The following TRAF3 variants were observed in gnomAD, a reference collection of about 807,000 sequenced individuals.
TRAF3 encodes TNF receptor-associated factor 3.
Under a neutral mutation model 62.3 loss-of-function variants are expected in TRAF3, and 13 were observed. The observed-to-expected ratio is 0.21, with a 90% CI of 0.14 to 0.33. The LOEUF (loss-of-function observed/expected upper bound fraction) is 0.33, where lower values mean the gene tolerates loss of function less well. Ranked by LOEUF, TRAF3 falls within the 10% of genes least tolerant of loss-of-function variation. The pLI, the probability that TRAF3 is intolerant of heterozygous loss-of-function variation, is 1.00. For synonymous variants in TRAF3, 269 were observed against 283.4 expected, an observed-to-expected ratio of 0.95 and a Z score of 0.51; for missense variants, 440 against 741.8, an observed-to-expected ratio of 0.59 and a Z score of 4.73.
rs1434448970 is a variant in TRAF3, at chr14:102,865,281, C to A, written c.-17-4904C>A. On this transcript the variant is annotated intron_variant, in intron 2 of 11. Transcript: ENST00000392745. ...AGGTCACGGGGCTGCCGGCTGGGCT[C>A]TGCTCAGGGTTCGTGTCATTTCTTT... 5.3e-5 allele frequency among the ~76,000 whole-genome samples: 8 copies of A among 152,106 alleles called. No homozygotes were observed. The East Asian group carries it at 1.5e-3, about 29-fold the overall frequency.
At chr14:102,850,011 C>G (rs968181069) in intron 2 of TRAF3, among the ~76,000 whole-genome samples, 1 of 152,152 alleles carries the variant, frequency 6.6e-6, no homozygotes, top group Non-Finnish European at 1.5e-5. Flanking sequence ...TGGTTTTCCC[C>G]GGGCTTTCCA....
At chr14:102,895,979 C>A (rs564036668) in intron 9 of TRAF3, among the ~76,000 whole-genome samples, 10 of 152,108 alleles carry the variant, frequency 6.6e-5, no homozygotes, top group Admixed American at 4.6e-4. Flanking sequence ...TCGTCACGCT[C>A]TCATTATGTT....
At chr14:102,855,345 C>T (rs1164451393) in intron 2 of TRAF3, among the ~76,000 whole-genome samples, 1 of 151,956 alleles carries the variant, frequency 6.6e-6, no homozygotes, top group African/African-American at 2.4e-5. Flanking sequence ...GAGCATGTAC[C>T]TAAGAGTGGA....
At chr14:102,868,985 G>A (rs1229182483) in intron 2 of TRAF3, among the ~76,000 whole-genome samples, 1 of 152,216 alleles carries the variant, frequency 6.6e-6, no homozygotes, top group Non-Finnish European at 1.5e-5. Flanking sequence ...TACCTTGTTA[G>A]CAAGTGTGGA....
At chr14:102,867,898 C>G (rs1410869841) in intron 2 of TRAF3, among the ~76,000 whole-genome samples, 4 of 152,228 alleles carry the variant, frequency 2.6e-5, no homozygotes, top group African/African-American at 7.2e-5. Context: ...CCAAGTGTGG[C>G]TAGAACGCCA....
chr14:102,879,289 TGA>T (rs1324444877), intron 6 of TRAF3, among the ~76,000 whole-genome samples: 2 of 152,110 alleles, frequency 1.3e-5, no homozygotes, highest in Non-Finnish European at 2.9e-5. Flanking sequence ...TTGTTTTGTT[TGA>T]GAGAGAGTCT....
chr14:102,833,009 G>A (rs1292523686), intron 2 of TRAF3, among the ~76,000 whole-genome samples: 1 of 151,996 alleles, frequency 6.6e-6, no homozygotes, highest in Admixed American at 6.6e-5. Context: ...TCCTGGGGTG[G>A]GGGAGGTCCC....
chr14:102,800,137 C>T (rs1210350147), intron 1 of TRAF3, among the ~76,000 whole-genome samples: 1 of 152,168 alleles, frequency 6.6e-6, no homozygotes, highest in Admixed American at 6.5e-5. Flanking sequence ...CCCACCCATA[C>T]AATTTCTATC....
chr14:102,810,163 AAAAC>A (rs1487508800), intron 1 of TRAF3, among the ~76,000 whole-genome samples: 11 of 152,244 alleles, frequency 7.2e-5, no homozygotes, highest in Admixed American at 3.9e-4. Context: ...GCTTTACCAA[AAAAC>A]AAACAACCCC....
chr14:102,865,971 A>G lies in TRAF3; in HGVS notation c.-17-4214A>G, dbSNP rs558175718. ...AAGCAGTTCCGTATTTTTAAAACACATGCACACATATGTTTATTGCAGCAC... is the reference window on the plus strand; with the variant it reads ...AAGCAGTTCCGTATTTTTAAAACACGTGCACACATATGTTTATTGCAGCAC... On this transcript the variant is annotated intron_variant, in intron 2 of 11. Coordinates refer to ENST00000392745, the MANE Select transcript of TRAF3 (RefSeq NM_145725.3). The G allele has an allele frequency of 2.6e-5, 4 of 152,352 alleles. No homozygotes were observed. The East Asian group carries it at 5.8e-4, about 22-fold the overall frequency. The allele number at this position is 152,352 out of a possible 1,614,324, so 9.4% of individuals were successfully genotyped here. A position where few individuals can be genotyped will look rare whatever the true frequency, so the allele number is the denominator to read the frequency against.
At chr14:102,887,962 G>A (rs555547308) in intron 7 of TRAF3, among the ~76,000 whole-genome samples, 1 of 152,124 alleles carries the variant, frequency 6.6e-6, no homozygotes, top group Non-Finnish European at 1.5e-5. Flanking sequence ...AGGTGCTTTT[G>A]AGCTATAGAT....
At chr14:102,850,786 C>T (rs1447542211) in intron 2 of TRAF3, among the ~76,000 whole-genome samples, 1 of 151,148 alleles carries the variant, frequency 6.6e-6, no homozygotes, top group East Asian at 1.9e-4. Context: ...GCTCAAAGTG[C>T]ACTGGCATAG....
intron 7 of TRAF3, among the ~76,000 whole-genome samples, chr14:102,887,541 G>T (rs1164573192): frequency 2.6e-5 from 4 of 152,216 alleles, no homozygotes; most frequent in Non-Finnish European, 5.9e-5. Context: ...GTAAATTATT[G>T]CCACAACTGG....
chr14:102,809,637 A>G lies in TRAF3; in HGVS notation c.-156-20697A>G, dbSNP rs571478896. On this transcript the variant is annotated intron_variant, in intron 1 of 11. Transcript: ENST00000392745. The stretch of plus-strand genomic sequence containing the variant: ...AAGCGCCGCCTCCCAGGTTCATGCT[A>G]TTCTCCTGTCTGTCTCCTGAGTAGC... Among the ~76,000 whole-genome samples, 145 of 142,616 alleles carry G rather than the reference A, an allele frequency of 1.0e-3. 1 individual carries two copies. The highest frequency in any genetic ancestry group is 3.3e-3 in the African/African-American group (123 of 37,584). 93.6% of individuals were successfully genotyped at this position (142,616 alleles called of 152,430 possible).
At chr14:102,878,068 C>T (rs1888817939) in intron 6 of TRAF3, among the ~76,000 whole-genome samples, 1 of 152,122 alleles carries the variant, frequency 6.6e-6, no homozygotes, top group African/African-American at 2.4e-5. Flanking sequence ...TTAACATTTT[C>T]CATTGCCTTG....
chr14:102,813,993 T>C (rs1275676809), intron 1 of TRAF3, among the ~76,000 whole-genome samples: 2 of 152,234 alleles, frequency 1.3e-5, no homozygotes, highest in Middle Eastern at 3.2e-3. Context: ...CCCAGACCAA[T>C]GTGATGAAGC....
intron 10 of TRAF3, 129 bp downstream of exon 10, chr14:102,897,530 C>G (rs1413827698): frequency 2.4e-6 from 3 of 1,267,870 alleles, no homozygotes; most frequent in African/African-American, 1.5e-5. Context: ...ACTGATTTCT[C>G]TGGCCTAAGT....
intron 10 of TRAF3, among the ~76,000 whole-genome samples, chr14:102,897,663 C>G (rs892011298): frequency 6.6e-6 from 1 of 152,182 alleles, no homozygotes; most frequent in African/African-American, 2.4e-5. Flanking sequence ...CTTTGATCTA[C>G]CGTTGGAGAA....
intron 2 of TRAF3, among the ~76,000 whole-genome samples, chr14:102,846,749 G>A (rs545146552): frequency 5.3e-5 from 8 of 151,910 alleles, no homozygotes; most frequent in Non-Finnish European, 8.8e-5. Flanking sequence ...TTGGGAGGTC[G>A]AGGCTGCCGT....
Sources: gnomAD v4.1 joint callset for allele counts (sites outside exome capture counted in the v4.1 genomes callset) on GRCh38, gnomAD v4.1.1 for gene constraint, MANE v1.5 for transcripts, NCBI Gene and HGNC (gene_info 2026-07-23, HGNC 2026-07-21) for gene names.